KSR2: variants seen among roughly 807,000 people sequenced by gnomAD.
The protein encoded by KSR2 is kinase suppressor of ras 2.
Under a neutral mutation model 107.8 loss-of-function variants are expected in KSR2, and 25 were observed. The observed-to-expected ratio is 0.23, with a 90% confidence interval of 0.17 to 0.32. KSR2 has a LOEUF of 0.32. Among genes scored for constraint, KSR2 ranks in the 10% least tolerant of loss-of-function variants. The pLI is 1.00. For missense variants in KSR2, 887 were observed against 1,268.9 expected (o/e 0.70, Z 4.57); for synonymous variants, 480 against 507.0 (o/e 0.95, Z 0.71).
chr12:117,777,994 C>T (rs1889754364), intron 3 of KSR2, among the ~76,000 whole-genome samples: 1 of 152,110 alleles, frequency 6.6e-6, no homozygotes, highest in Non-Finnish European at 1.5e-5. Flanking sequence ...GATTGTGGTA[C>T]TGTACTTCAG....
chr12:117,804,736 C>A (rs147981581), intron 3 of KSR2, among the ~76,000 whole-genome samples: 78 of 152,170 alleles, frequency 5.1e-4, no homozygotes, highest in African/African-American at 1.6e-3. Flanking sequence ...TTAATAATAT[C>A]TTAGGTCTTT....
intron 5 of KSR2, among the ~76,000 whole-genome samples, chr12:117,666,599 G>T (rs1249448496): frequency 1.3e-5 from 2 of 152,192 alleles, no homozygotes; most frequent in African/African-American, 4.8e-5. Flanking sequence ...ACTAAATGGG[G>T]CCCTGCCTGT....
intron 3 of KSR2, among the ~76,000 whole-genome samples, chr12:117,804,846 T>G (rs2137032315): frequency 6.6e-6 from 1 of 152,292 alleles, no homozygotes; most frequent in Non-Finnish European, 1.5e-5. Flanking sequence ...TACAGAACAA[T>G]TCTAGAGATG....
intron 5 of KSR2, among the ~76,000 whole-genome samples, chr12:117,590,611 G>C (rs564383869): frequency 2.0e-4 from 30 of 152,290 alleles, no homozygotes; most frequent in African/African-American, 7.2e-4. Flanking sequence ...ACATCAGTTA[G>C]AACATGACAA....
At chr12:117,966,630 C>A (rs1896801469) in intron 1 of KSR2, among the ~76,000 whole-genome samples, 1 of 149,926 alleles carries the variant, frequency 6.7e-6, no homozygotes, top group African/African-American at 2.4e-5. Flanking sequence ...CACGCACACA[C>A]ACACACACAC....
At chr12:117,941,092 T>A (rs866657196) in intron 1 of KSR2, among the ~76,000 whole-genome samples, 15 of 151,722 alleles carry the variant, frequency 9.9e-5, no homozygotes, top group South Asian at 2.1e-4. Flanking sequence ...CTCAAAAAAA[T>A]AATAATAATA....
intron 4 of KSR2, among the ~76,000 whole-genome samples, chr12:117,668,491 C>T (rs188571887): frequency 1.5e-4 from 23 of 152,298 alleles, no homozygotes; most frequent in African/African-American, 4.8e-4. Flanking sequence ...TGGGTGCCCC[C>T]ACCCTTCATC....
At chr12:117,803,108 C>T (rs1890891510) in intron 3 of KSR2, among the ~76,000 whole-genome samples, 1 of 152,120 alleles carries the variant, frequency 6.6e-6, no homozygotes, top group African/African-American at 2.4e-5. Flanking sequence ...TTTCTCTCTC[C>T]TACCAGGGAT....
chr12:117,484,776 A>G (rs1872365987), intron 15 of KSR2, among the ~76,000 whole-genome samples: 2 of 152,212 alleles, frequency 1.3e-5, no homozygotes, highest in Non-Finnish European at 2.9e-5. Context: ...TGCCACTCTT[A>G]GACCACAGAA....
intron 4 of KSR2, among the ~76,000 whole-genome samples, chr12:117,715,655 A>G (rs1171435532): frequency 6.6e-6 from 1 of 152,238 alleles, no homozygotes; most frequent in South Asian, 2.1e-4. Context: ...CAGGCTTTAC[A>G]GGGTGTAGGA....
intron 4 of KSR2, among the ~76,000 whole-genome samples, chr12:117,695,718 C>A (rs76867998): frequency 0.059 from 3,999 of 67,520 alleles, 94 homozygotes; most frequent in African/African-American, 0.11. Context: ...CTCAAACAAA[C>A]AAAAAAAAAA....
chr12:117,722,837 C>T (rs1205746810), intron 4 of KSR2, among the ~76,000 whole-genome samples: 1 of 152,142 alleles, frequency 6.6e-6, no homozygotes, highest in Non-Finnish European at 1.5e-5. Flanking sequence ...GGATCAGGAC[C>T]CCTTTCCTGT....
At chr12:117,924,364 G>A (rs1324090860) in intron 1 of KSR2, among the ~76,000 whole-genome samples, 1 of 149,184 alleles carries the variant, frequency 6.7e-6, no homozygotes, top group East Asian at 2.0e-4. Flanking sequence ...TCGGGAGTTT[G>A]AGACCAGCTT....
intron 1 of KSR2, among the ~76,000 whole-genome samples, chr12:117,920,205 C>CA (rs1221839054): frequency 1.3e-5 from 2 of 152,126 alleles, no homozygotes; most frequent in Non-Finnish European, 2.9e-5. Context: ...CTCAAATAAT[C>CA]CTCTGACCTC....
intron 5 of KSR2, among the ~76,000 whole-genome samples, chr12:117,597,575 C>T (rs1366448343): frequency 6.6e-6 from 1 of 152,136 alleles, no homozygotes; most frequent in Non-Finnish European, 1.5e-5. Flanking sequence ...TTCCGGAGAG[C>T]CTCTACAAGG....
chr12:117,636,877 C>T (rs1264443367), intron 5 of KSR2, among the ~76,000 whole-genome samples: 1 of 147,672 alleles, frequency 6.8e-6, no homozygotes, highest in Non-Finnish European at 1.5e-5. Flanking sequence ...AGGCACACTA[C>T]AAACCAGCAG....
chr12:117,719,232 C>G (rs1382962660), intron 4 of KSR2, among the ~76,000 whole-genome samples: 3 of 152,124 alleles, frequency 2.0e-5, no homozygotes, highest in African/African-American at 7.2e-5. Context: ...CCCTCCACCC[C>G]AGTCCAGACT....
At position 117,455,073 on chromosome 12, in the gene KSR2, G is replaced by GAGAGAGAGT. The variant is rs1870544452; in HGVS notation, c.*12125_*12126insACTCTCTCT. ...GAGAGAGAGAGAGAGAGAGAGAGAG[G>GAGAGAGAGT]TCTGTAGAGCCAGAGAGGGATGCAG... is the stretch of plus-strand genomic sequence containing the variant. On this transcript the variant is annotated 3_prime_UTR_variant, in exon 20 of 20. Transcript: ENST00000339824. 1.2e-5 allele frequency: 1 copy of GAGAGAGAGT among 83,116 alleles called. No homozygotes were observed. Among genetic ancestry groups the GAGAGAGAGT allele is most frequent in the Non-Finnish European group, 2.3e-5 (1 of 43,486 alleles). The allele number at this position is 83,116 out of a possible 1,614,324, so 5.1% of individuals were successfully genotyped here. A position where few individuals can be genotyped will look rare whatever the true frequency, so the allele number is the denominator to read the frequency against.
intron 4 of KSR2, among the ~76,000 whole-genome samples, chr12:117,731,898 G>A (rs947293085): frequency 4.3e-5 from 6 of 141,008 alleles, no homozygotes; most frequent in Non-Finnish European, 8.0e-5. Context: ...CAAACACTGC[G>A]GAAGGCCGCA....
Sources: allele counts gnomAD v4.1 joint callset (sites outside exome capture counted in the v4.1 genomes callset), GRCh38; gene constraint gnomAD v4.1.1; transcripts MANE v1.5; gene names NCBI Gene and HGNC (gene_info 2026-07-23, HGNC 2026-07-21).